EPHB1: variants seen among roughly 807,000 people sequenced by gnomAD.
EPHB1 encodes ephrin type-B receptor 1.
A neutral mutation model predicts 94.4 loss-of-function variants in EPHB1; 30 were observed. That is an observed-to-expected ratio of 0.32 (90% CI 0.24 to 0.43). The LOEUF is 0.43. EPHB1 is among the 20% of genes least tolerant of loss of function. The probability of loss-of-function intolerance (pLI) is 1.00; values close to 1 mark genes in which losing one functional copy is unlikely to be tolerated. For synonymous variants in EPHB1, 522 were observed against 489.1 expected (o/e 1.07, Z -0.89); for missense variants, 1,055 against 1,308.3 (o/e 0.81, Z 2.99).
intron 1 of EPHB1, among the ~76,000 whole-genome samples, chr3:134,922,651 C>A (rs2038711316): frequency 1.3e-5 from 2 of 152,226 alleles, no homozygotes; most frequent in South Asian, 4.1e-4. Flanking sequence ...TCTGCCCGCT[C>A]CCTGCTCCTC....
intron 3 of EPHB1, among the ~76,000 whole-genome samples, chr3:135,049,677 C>T (rs1305693483): frequency 6.6e-6 from 1 of 152,198 alleles, no homozygotes; most frequent in Non-Finnish European, 1.5e-5. Context: ...GAGGCATAGA[C>T]CCCACTTCTG....
Position 135,039,511 on chromosome 3 carries a change from A to G in EPHB1, c.806-66937A>G, listed in dbSNP as rs555601232. 2.4e-3 allele frequency among the ~76,000 whole-genome samples: 360 copies of G among 152,332 alleles called. 1 individual carries two copies. Among genetic ancestry groups the G allele is most frequent in the Non-Finnish European group, 3.7e-3 (253 of 68,018 alleles). ...CCCGTCGGGGAGGCTCGGGCTGCAC[A>G]GGAGCCCACGGAGTGGGTGGGAGGC... On this transcript the variant is annotated intron_variant, in intron 3 of 15. Coordinates refer to ENST00000398015, the MANE Select transcript of EPHB1 (RefSeq NM_004441.5).
rs143660279 is a variant in EPHB1 at position 134,926,144 on chromosome 3, G to T, written c.123+264G>T. 4.9e-4 allele frequency among the ~76,000 whole-genome samples: 75 copies of T among 152,306 alleles called. 1 individual carries two copies. The East Asian group carries it at 0.014, about 28-fold the overall frequency. On this transcript the variant is annotated intron_variant, in intron 2 of 15. Transcript: ENST00000398015. Reference sequence around the variant, plus strand: ...ACAACTAGGGCCATCGCTGTGTGGGGATGGGGGCACGCAGGCTAGTGGCAC... The same window carrying T: ...ACAACTAGGGCCATCGCTGTGTGGGTATGGGGGCACGCAGGCTAGTGGCAC...
At chr3:134,919,253 TGAA>T (rs1249205372) in intron 1 of EPHB1, among the ~76,000 whole-genome samples, 3 of 152,128 alleles carry the variant, frequency 2.0e-5, no homozygotes, top group East Asian at 1.9e-4. Context: ...GGGTTTGGTG[TGAA>T]GAAGAAGAGA....
chr3:134,965,077 T>G (rs1477683603), intron 3 of EPHB1, among the ~76,000 whole-genome samples: 4 of 152,250 alleles, frequency 2.6e-5, no homozygotes, highest in Admixed American at 1.3e-4. Flanking sequence ...AACAGTAGCT[T>G]TTAAAAATTT....
intron 3 of EPHB1, among the ~76,000 whole-genome samples, chr3:135,022,506 C>T (rs1284869815): frequency 6.6e-6 from 1 of 152,160 alleles, no homozygotes; most frequent in Non-Finnish European, 1.5e-5. Context: ...GTCTTGGAAT[C>T]TTTCTCAGAT....
chr3:135,161,986 G>A (rs1325475188), intron 6 of EPHB1, 32 bp from the exon 7 acceptor site: 16 of 1,582,316 alleles, frequency 1.0e-5, no homozygotes, highest in Non-Finnish European at 1.3e-5. Context: ...TTCAGGAATG[G>A]GATAGTGACC....
chr3:135,226,624 C>T (rs1943410078), intron 12 of EPHB1, among the ~76,000 whole-genome samples: 1 of 152,164 alleles, frequency 6.6e-6, no homozygotes, highest in Non-Finnish European at 1.5e-5. Flanking sequence ...CAGCCCCATT[C>T]ACCTACTTTT....
chr3:134,952,089 G>T, intron 3 of EPHB1, 37 bp downstream of exon 3: 3 of 1,557,676 alleles, frequency 1.9e-6, no homozygotes, highest in Non-Finnish European at 2.6e-6. Context: ...CCCATCTATG[G>T]CAGGGCCAGA....
At chr3:134,885,615 T>C (rs192418552) in intron 1 of EPHB1, among the ~76,000 whole-genome samples, 1 of 152,346 alleles carries the variant, frequency 6.6e-6, no homozygotes, top group Admixed American at 6.5e-5. Context: ...AATTTCCTTC[T>C]ATAGCATCCA....
chr3:134,854,099 A>T (rs1446075878), intron 1 of EPHB1, among the ~76,000 whole-genome samples: 1 of 152,142 alleles, frequency 6.6e-6, no homozygotes, highest in African/African-American at 2.4e-5. Context: ...CCCTGAGGTG[A>T]TATTGGGCTG....
intron 3 of EPHB1, among the ~76,000 whole-genome samples, chr3:134,999,339 A>C (rs1388439753): frequency 6.6e-6 from 1 of 152,210 alleles, no homozygotes; most frequent in African/African-American, 2.4e-5. Context: ...GTGACTAGAA[A>C]CAGCAATTTG....
chr3:135,024,295 C>T (rs562231400), intron 3 of EPHB1, among the ~76,000 whole-genome samples: 6 of 152,204 alleles, frequency 3.9e-5, no homozygotes, highest in African/African-American at 1.4e-4. Context: ...TATAGAAACA[C>T]CTCCTTTCCA....
intron 3 of EPHB1, among the ~76,000 whole-genome samples, chr3:135,091,924 C>T (rs1938571632): frequency 6.6e-6 from 1 of 152,008 alleles, no homozygotes; most frequent in Admixed American, 6.6e-5. Flanking sequence ...CATTGTCCAG[C>T]CTTTAGATAG....
intron 12 of EPHB1, among the ~76,000 whole-genome samples, chr3:135,240,931 A>C (rs1011243056): frequency 2.0e-5 from 3 of 152,088 alleles, no homozygotes; most frequent in African/African-American, 7.2e-5. Flanking sequence ...GCATATCCAC[A>C]TGAGGCTAGA....
chr3:135,146,655 T>G (rs1343232395), intron 5 of EPHB1, among the ~76,000 whole-genome samples: 1 of 152,256 alleles, frequency 6.6e-6, no homozygotes, highest in Non-Finnish European at 1.5e-5. Context: ...CTCCAGCCTC[T>G]GGGGAACCCA....
At chr3:134,979,677 T>C (rs1934332560) in intron 3 of EPHB1, among the ~76,000 whole-genome samples, 1 of 152,134 alleles carries the variant, frequency 6.6e-6, no homozygotes, top group Non-Finnish European at 1.5e-5. Flanking sequence ...GTAGAAACCA[T>C]ATAGATTAAA....
chr3:134,802,282 A>C (rs916916310), intron 1 of EPHB1, among the ~76,000 whole-genome samples: 1 of 151,696 alleles, frequency 6.6e-6, no homozygotes, highest in African/African-American at 2.4e-5. Flanking sequence ...TAAAAAAAAC[A>C]AAAAAACAAA....
chr3:135,023,664 T>C (rs1429655637), intron 3 of EPHB1, among the ~76,000 whole-genome samples: 1 of 152,246 alleles, frequency 6.6e-6, no homozygotes, highest in Non-Finnish European at 1.5e-5. Flanking sequence ...CCTCAGTTTA[T>C]GTTTTTAAAT....
Sources: allele counts gnomAD v4.1 joint callset (sites outside exome capture counted in the v4.1 genomes callset), GRCh38; gene constraint gnomAD v4.1.1; transcripts MANE v1.5; gene names NCBI Gene and HGNC (gene_info 2026-07-23, HGNC 2026-07-21).